CLPS: variants seen among roughly 807,000 people sequenced by gnomAD.
CLPS encodes colipase, pancreatic.
CLPS carries 8 observed loss-of-function variants against 9.3 expected under a neutral mutation model. The ratio of observed to expected loss-of-function variants is 0.86; its 90% CI spans 0.51 to 1.56. The LOEUF is 1.56. Among genes scored for constraint, CLPS ranks in the 40% most tolerant of loss-of-function variants. The pLI is 0.00. For synonymous variants in CLPS, 61 were observed against 56.2 expected (o/e 1.09, Z -0.39); for missense variants, 144 against 145.7 (o/e 0.99, Z 0.06).
Position 35,795,050 on chromosome 6 carries a change from G to C in CLPS, c.*96C>G. ...AAACAGATATGCTGGTCAAGGAGGT[G>C]GCCAGCCCGGGAGATGCGCTGGAGC... On this transcript the variant is annotated 3_prime_UTR_variant, in exon 3 of 3. Transcript: ENST00000259938. The C allele has an allele frequency of 6.6e-7, 1 of 1,504,380 alleles. No homozygotes were observed. The highest frequency in any genetic ancestry group is 2.3e-5 in the East Asian group (1 of 42,964). 93.2% of individuals were successfully genotyped at this position (1,504,380 alleles called of 1,614,324 possible). A position where few individuals can be genotyped will look rare whatever the true frequency, so the allele number is the denominator to read the frequency against.
At position 35,795,864 on chromosome 6, in the gene CLPS, C is replaced by A; in HGVS notation, c.85-11G>T. 6.2e-7 allele frequency: 1 copy of A among 1,611,634 alleles called. No individual in the cohort carries two copies. The highest frequency in any genetic ancestry group is 8.5e-7 in the Non-Finnish European group (1 of 1,179,990). On this transcript the variant is annotated splice_polypyrimidine_tract_variant and intron_variant, in intron 1 of 2. Transcript: ENST00000259938. ...GAGCTCACCGTTCTCCTGCCAGGAG[C>A]AGCCAGTCAGCCCAGGCCCCACTCC...
chr6:35,795,528 C>A lies in CLPS; in HGVS notation c.207+203G>T, dbSNP rs148028295. 3.9e-3 allele frequency among the ~76,000 whole-genome samples: 588 copies of A among 152,198 alleles called. 2 individuals carry two copies. Among genetic ancestry groups the A allele is most frequent in the Non-Finnish European group, 6.2e-3 (420 of 67,968 alleles). ...CAGCCATGAAATGGGGATAACAAATCCCCACCCCCACCCATCTCACTGGTC... is the reference window on the plus strand; with the variant it reads ...CAGCCATGAAATGGGGATAACAAATACCCACCCCCACCCATCTCACTGGTC... On this transcript the variant is annotated intron_variant, in intron 2 of 2. Transcript: ENST00000259938.
At chr6:35,795,523 C>A (rs1768335710) in intron 2 of CLPS, among the ~76,000 whole-genome samples, 2 of 152,208 alleles carry the variant, frequency 1.3e-5, no homozygotes, top group Non-Finnish European at 2.9e-5. Context: ...ATGGGGATAA[C>A]AAATCCCCAC....
At chr6:35,796,238 A>G (rs1402240817) in intron 1 of CLPS, among the ~76,000 whole-genome samples, 1 of 152,284 alleles carries the variant, frequency 6.6e-6, no homozygotes, top group Non-Finnish European at 1.5e-5. Context: ...TGAAGATTGC[A>G]TCTCCCTGCA....
chr6:35,795,388 C>A, intron 2 of CLPS, 111 bp from the exon 3 acceptor site: 1 of 1,455,516 alleles, frequency 6.9e-7, no homozygotes, highest in Non-Finnish European at 9.3e-7. Flanking sequence ...TCGGGGAGTG[C>A]CTCTCCCACC....
intron 2 of CLPS, 131 bp from the exon 3 acceptor site, chr6:35,795,408 A>C: frequency 7.2e-7 from 1 of 1,379,834 alleles, no homozygotes; most frequent in Non-Finnish European, 9.8e-7. Flanking sequence ...CTGCCTCCCC[A>C]GGGGTGCCGT....
At chr6:35,795,405 C>T in intron 2 of CLPS, 128 bp from the exon 3 acceptor site, 2 of 1,386,490 alleles carry the variant, frequency 1.4e-6, no homozygotes, top group Non-Finnish European at 1.9e-6. Flanking sequence ...CACCTGCCTC[C>T]CCAGGGGTGC....
chr6:35,796,416 T>C (rs1051794600), intron 1 of CLPS, among the ~76,000 whole-genome samples: 2 of 152,274 alleles, frequency 1.3e-5, no homozygotes, highest in African/African-American at 4.8e-5. Flanking sequence ...TGTGGGGCAG[T>C]GGTGGGGCCC....
chr6:35,794,993 G>A lies in CLPS; in HGVS notation c.*153C>T. 1 of 1,090,262 alleles carries A rather than the reference G, an allele frequency of 9.2e-7. No homozygotes were observed. The highest frequency in any genetic ancestry group is 1.3e-6 in the Non-Finnish European group (1 of 774,734). 67.5% of individuals were successfully genotyped at this position (1,090,262 alleles called of 1,614,324 possible). A position where few individuals can be genotyped will look rare whatever the true frequency, so the allele number is the denominator to read the frequency against. On this transcript the variant is annotated 3_prime_UTR_variant, in exon 3 of 3. Transcript: ENST00000259938. The stretch of plus-strand genomic sequence containing the variant: ...TGCAGGAGACTGGGAAAGGTTTGCA[G>A]GAGGCCTTTAATTGTGAAGAGCGCA...
Position 35,795,203 on chromosome 6 carries a change from G to A in CLPS, c.282C>T (p.Gly94=). The change falls in exon 3 of 3, where the codon GGC becomes GGT. Residue 94 remains glycine, a synonymous_variant. Transcript: ENST00000259938. ...LTCEGDKTIV[G]SITNTNFGIC... is the part of the protein sequence containing the mutation. Reference sequence around the variant, plus strand: ...TGCCAAAGTTGGTGTTGGTGATGGAGCCCACGATGGTCTTGTCTCCCTCAC... The same window carrying A: ...TGCCAAAGTTGGTGTTGGTGATGGAACCCACGATGGTCTTGTCTCCCTCAC... The A allele has an allele frequency of 6.2e-7, 1 of 1,614,232 alleles. No homozygotes were observed. Among genetic ancestry groups the A allele is most frequent in the Non-Finnish European group, 8.5e-7 (1 of 1,180,032 alleles).
chr6:35,796,947 G>A (rs6907483), intron 1 of CLPS: 2 of 498,736 alleles, frequency 4.0e-6, no homozygotes, highest in East Asian at 3.8e-5. Context: ...AGAAAAAAAA[G>A]AAAAAAAAGG....
chr6:35,796,088 G>T (rs1395027009), intron 1 of CLPS, among the ~76,000 whole-genome samples: 2 of 152,398 alleles, frequency 1.3e-5, no homozygotes, highest in Non-Finnish European at 2.9e-5. Context: ...TCTAGTACCG[G>T]CTGTGCTACC....
Position 35,797,186 on chromosome 6 carries a change from C to G in CLPS, c.84+19G>C, listed in dbSNP as rs1421792619. The G allele has an allele frequency of 1.9e-6, 3 of 1,607,706 alleles. No individual in the cohort carries two copies. In the African/African-American group the frequency reaches 4.0e-5, roughly 21 times the overall value. The stretch of plus-strand genomic sequence containing the variant: ...TCATCTGGGGACTCAGGAGGCGCCT[C>G]CCCTGAAGACCCTCTTACCAGGTTG... On this transcript the variant is annotated intron_variant, in intron 1 of 2. Transcript: ENST00000259938.
Position 35,797,227 on chromosome 6 carries a change from G to C in CLPS, c.62C>G (p.Pro21Arg). Residue 21 changes from proline (P) to arginine (R), a missense_variant, in exon 1 of 3, where the codon CCC (proline) becomes CGC (arginine). Transcript: ENST00000259938. ...ALSVAYAAPG[P>R]RGIIINLENG... ...TACCAGGTTGATAATGATCCCCCGG[G>C]GGCCAGGAGCTGCATAGGCCACAGA... 1 of 1,614,100 alleles carries C rather than the reference G, an allele frequency of 6.2e-7. No individual in the cohort carries two copies. Among genetic ancestry groups the C allele is most frequent in the Non-Finnish European group, 8.5e-7 (1 of 1,179,966 alleles).
At chr6:35,795,577 A>G (rs2151065405) in intron 2 of CLPS, among the ~76,000 whole-genome samples, 154 bp downstream of exon 2, 1 of 152,044 alleles carries the variant, frequency 6.6e-6, no homozygotes, top group South Asian at 2.1e-4. Flanking sequence ...AAGAGAGATG[A>G]TGGGATGGGA....
intron 2 of CLPS, 53 bp from the exon 3 acceptor site, chr6:35,795,330 C>T (rs1768330372): frequency 1.9e-6 from 3 of 1,589,404 alleles, no homozygotes. Context: ...CTTTGGACAT[C>T]ACTTGTCCCC....
Position 35,795,076 on chromosome 6 carries a change from A to G in CLPS, c.*70T>C, listed in dbSNP as rs1471843696. On this transcript the variant is annotated 3_prime_UTR_variant, in exon 3 of 3. Transcript: ENST00000259938. Reference sequence around the variant, plus strand: ...GCCAGCCCGGGAGATGCGCTGGAGCAGGGGAGAGATGCCCCTGCGCCTAGT... The same window carrying G: ...GCCAGCCCGGGAGATGCGCTGGAGCGGGGGAGAGATGCCCCTGCGCCTAGT... 2.5e-6 allele frequency: 4 copies of G among 1,572,086 alleles called. No homozygotes were observed. The highest frequency in any genetic ancestry group is 2.7e-5 in the African/African-American group (2 of 74,062).
intron 1 of CLPS, 124 bp downstream of exon 1, chr6:35,797,081 G>A: frequency 1.2e-6 from 1 of 859,622 alleles, no homozygotes; most frequent in Non-Finnish European, 1.9e-6. Context: ...GTAAACAGAG[G>A]GATGCAAGAT....
intron 1 of CLPS, among the ~76,000 whole-genome samples, chr6:35,796,547 A>G (rs1768372958): frequency 2.0e-5 from 3 of 152,280 alleles, no homozygotes; most frequent in Admixed American, 2.0e-4. Flanking sequence ...AGAATGAGTA[A>G]ACATCTCCGA....
Sources: allele counts gnomAD v4.1 joint callset (sites outside exome capture counted in the v4.1 genomes callset), GRCh38; gene constraint gnomAD v4.1.1; transcripts MANE v1.5; gene names NCBI Gene and HGNC (gene_info 2026-07-23, HGNC 2026-07-21).